Variants in ARNT2 observed in about 807,000 individuals in gnomAD.
ARNT2 encodes the protein aryl hydrocarbon receptor nuclear translocator 2, also known as ARNT protein 2.
ARNT2 carries 36 observed loss-of-function variants against 91.7 expected under a neutral mutation model. The observed-to-expected ratio is 0.39, with a 90% CI of 0.30 to 0.52. The LOEUF is 0.52. ARNT2 is among the 20% of genes least tolerant of loss of function. The pLI is 0.72. For missense variants in ARNT2, 775 were observed against 939.3 expected (o/e 0.83, Z 2.29); for synonymous variants, 365 against 347.1 (o/e 1.05, Z -0.57).
chr15:80,563,477 C>G (rs763305034), intron 12 of ARNT2, among the ~76,000 whole-genome samples: 2 of 152,224 alleles, frequency 1.3e-5, no homozygotes, highest in Non-Finnish European at 2.9e-5. Flanking sequence ...CATGACACTC[C>G]CTTCCCTTCG....
chr15:80,532,659 C>T (rs886407554), intron 8 of ARNT2, among the ~76,000 whole-genome samples: 4 of 152,194 alleles, frequency 2.6e-5, no homozygotes, highest in African/African-American at 9.7e-5. Flanking sequence ...CAGCCACCGT[C>T]TGTAGCAGAA....
intron 1 of ARNT2, among the ~76,000 whole-genome samples, chr15:80,420,261 G>C (rs1437397203): frequency 6.6e-6 from 1 of 152,126 alleles, no homozygotes; most frequent in Non-Finnish European, 1.5e-5. Context: ...GTTACAAAGT[G>C]ATATGCATTC....
chr15:80,574,173 T>C lies in ARNT2; in HGVS notation c.1342T>C (p.Leu448=), dbSNP rs763321022. Residue 448 remains leucine, a synonymous_variant, in exon 13 of 19, where the codon TTG becomes CTG. Coordinates refer to ENST00000303329, the MANE Select transcript of ARNT2 (RefSeq NM_014862.4). ...GCAACTTCAGCAACAGCAGGCAGAA[T>C]TGGAAGTGCACCAGAGAGATGGATT... is the stretch of plus-strand genomic sequence containing the variant. The part of the protein sequence containing the change: ...VKQLQQQQAE[L]EVHQRDGLSS... The C allele has an allele frequency of 1.3e-5, 21 of 1,614,198 alleles. 1 individual carries two copies. The South Asian group carries it at 2.1e-4, about 16-fold the overall frequency.
At chr15:80,486,125 T>A (rs1896969255) in intron 5 of ARNT2, among the ~76,000 whole-genome samples, 1 of 152,168 alleles carries the variant, frequency 6.6e-6, no homozygotes, top group Admixed American at 6.5e-5. Flanking sequence ...CGGTCCAATC[T>A]CTGTCTCCAT....
At chr15:80,548,178 G>T (rs555883388) in intron 8 of ARNT2, among the ~76,000 whole-genome samples, 1 of 152,256 alleles carries the variant, frequency 6.6e-6, no homozygotes, top group South Asian at 2.1e-4. Flanking sequence ...TATTGTAGCA[G>T]ATTGAGTGCA....
chr15:80,545,137 A>G (rs1419078386), intron 8 of ARNT2, among the ~76,000 whole-genome samples: 1 of 152,218 alleles, frequency 6.6e-6, no homozygotes, highest in African/African-American at 2.4e-5. Context: ...ACCTTGGGGC[A>G]GTAACCCTTG....
At chr15:80,432,265 A>G (rs552599621) in intron 1 of ARNT2, among the ~76,000 whole-genome samples, 57 of 152,292 alleles carry the variant, frequency 3.7e-4, no homozygotes, top group Admixed American at 8.5e-4. Flanking sequence ...GCTGAATTAG[A>G]GGTAGAAGAT....
At chr15:80,420,652 A>C (rs1466936281) in intron 1 of ARNT2, among the ~76,000 whole-genome samples, 1 of 151,888 alleles carries the variant, frequency 6.6e-6, no homozygotes, top group Non-Finnish European at 1.5e-5. Flanking sequence ...AAAAAGAATT[A>C]TATGTGAATA....
intron 17 of ARNT2, among the ~76,000 whole-genome samples, chr15:80,583,668 A>G (rs1286913123): frequency 6.6e-6 from 1 of 152,246 alleles, no homozygotes; most frequent in Non-Finnish European, 1.5e-5. Flanking sequence ...CCCATCTCAC[A>G]GATAAGTAAA....
At chr15:80,552,395 A>G (rs142259362) in intron 9 of ARNT2, among the ~76,000 whole-genome samples, 3 of 152,344 alleles carry the variant, frequency 2.0e-5, no homozygotes, top group Non-Finnish European at 2.9e-5. Flanking sequence ...CTGTGAGATT[A>G]TAGGTTTTAT....
intron 5 of ARNT2, among the ~76,000 whole-genome samples, chr15:80,480,810 C>T (rs1189652153): frequency 6.6e-6 from 1 of 152,104 alleles, no homozygotes; most frequent in Non-Finnish European, 1.5e-5. Flanking sequence ...TTCTCTCTCT[C>T]TCCCCTCCTT....
intron 14 of ARNT2, 89 bp downstream of exon 14, chr15:80,575,199 G>C (rs1232335115): frequency 1.8e-5 from 28 of 1,531,854 alleles, no homozygotes; most frequent in Non-Finnish European, 2.1e-5. Context: ...TAGTAAGAGG[G>C]GGCCACGGAA....
At chr15:80,526,112 A>G (rs1001087090) in intron 8 of ARNT2, among the ~76,000 whole-genome samples, 1 of 152,330 alleles carries the variant, frequency 6.6e-6, no homozygotes, top group East Asian at 1.9e-4. Flanking sequence ...TGTAAATCTC[A>G]CAGTGTATTC....
At chr15:80,545,546 G>A (rs967192223) in intron 8 of ARNT2, among the ~76,000 whole-genome samples, 1 of 152,188 alleles carries the variant, frequency 6.6e-6, no homozygotes, top group Non-Finnish European at 1.5e-5. Flanking sequence ...GGAGATGATT[G>A]GAGAGCTAAC....
intron 3 of ARNT2, among the ~76,000 whole-genome samples, chr15:80,467,926 C>T (rs936846670): frequency 5.9e-5 from 9 of 152,176 alleles, no homozygotes; most frequent in Non-Finnish European, 1.3e-4. Flanking sequence ...CCTGTATCTC[C>T]TCCAGGGAAG....
intron 5 of ARNT2, among the ~76,000 whole-genome samples, chr15:80,507,229 G>A (rs1277509868): frequency 2.0e-5 from 3 of 152,202 alleles, no homozygotes; most frequent in African/African-American, 2.4e-5. Flanking sequence ...CACGTGGGAG[G>A]AGGTCAGTTG....
At chr15:80,549,790 T>C (rs1366807263) in intron 8 of ARNT2, among the ~76,000 whole-genome samples, 1 of 152,202 alleles carries the variant, frequency 6.6e-6, no homozygotes, top group African/African-American at 2.4e-5. Flanking sequence ...GGAGGAAAGT[T>C]TGGCAAAACA....
chr15:80,499,272 G>A (rs1897160377), intron 5 of ARNT2, among the ~76,000 whole-genome samples: 2 of 152,122 alleles, frequency 1.3e-5, no homozygotes, highest in South Asian at 4.1e-4. Context: ...CTGCATCTTG[G>A]TGTGCAACCA....
chr15:80,508,081 G>T, intron 5 of ARNT2, 75 bp from the exon 6 acceptor site: 3 of 1,409,128 alleles, frequency 2.1e-6, no homozygotes, highest in Non-Finnish European at 3.0e-6. Flanking sequence ...TTTGGAGAAA[G>T]CACTCCCCGA....
Sources: gnomAD v4.1 joint callset for allele counts (sites outside exome capture counted in the v4.1 genomes callset) on GRCh38, gnomAD v4.1.1 for gene constraint, MANE v1.5 for transcripts, NCBI Gene and HGNC (gene_info 2026-07-23, HGNC 2026-07-21) for gene names.